The following CNTLN variants were observed in gnomAD, a reference collection of about 807,000 sequenced individuals.
CNTLN encodes centlein, centrosomal protein.
CNTLN carries 212 observed loss-of-function variants against 180.0 expected under a neutral mutation model. The ratio of observed to expected loss-of-function variants is 1.18; its 90% CI spans 1.05 to 1.32. The LOEUF is 1.32. Ranked by LOEUF, CNTLN falls within the 40% of genes most tolerant of loss-of-function variation. CNTLN has a pLI of 0.00. For missense variants in CNTLN, 2,095 were observed against 1,610.9 expected (o/e 1.30, Z -5.14); for synonymous variants, 722 against 563.1 (o/e 1.28, Z -3.99).
intron 8 of CNTLN, among the ~76,000 whole-genome samples, chr9:17,315,478 T>A (rs1035927863): frequency 6.6e-6 from 1 of 152,066 alleles, no homozygotes; most frequent in Admixed American, 6.5e-5. Context: ...GGTTTTTCAG[T>A]TTTTAAAGCT....
chr9:17,349,675 C>G (rs1248206617), intron 12 of CNTLN, among the ~76,000 whole-genome samples: 1 of 151,974 alleles, frequency 6.6e-6, no homozygotes, highest in Non-Finnish European at 1.5e-5. Context: ...AATATAGTTC[C>G]TATAATATTT....
chr9:17,323,137 G>C (rs1465401876), intron 8 of CNTLN, among the ~76,000 whole-genome samples: 1 of 151,982 alleles, frequency 6.6e-6, no homozygotes, highest in Non-Finnish European at 1.5e-5. Context: ...AAAGGCTTGT[G>C]GATTTGCTTT....
intron 18 of CNTLN, among the ~76,000 whole-genome samples, chr9:17,453,909 G>A (rs1002489708): frequency 2.6e-5 from 4 of 152,180 alleles, no homozygotes; most frequent in African/African-American, 9.6e-5. Flanking sequence ...ATCTGATTAG[G>A]TCAGGACCAG....
At chr9:17,386,662 G>A (rs935248284) in intron 13 of CNTLN, among the ~76,000 whole-genome samples, 19 of 152,184 alleles carry the variant, frequency 1.2e-4, no homozygotes, top group African/African-American at 4.6e-4. Flanking sequence ...AAGTACAGGT[G>A]AACATGGTTA....
chr9:17,342,094 C>T (rs1038136208), intron 11 of CNTLN, among the ~76,000 whole-genome samples: 2 of 152,058 alleles, frequency 1.3e-5, no homozygotes, highest in South Asian at 4.1e-4. Flanking sequence ...CTTAGAATAT[C>T]ATGTGTCTGC....
At chr9:17,291,057 A>G (rs1829367298) in intron 6 of CNTLN, among the ~76,000 whole-genome samples, 1 of 152,186 alleles carries the variant, frequency 6.6e-6, no homozygotes, top group Non-Finnish European at 1.5e-5. Context: ...TAATTTCATT[A>G]TATACCCAGG....
At chr9:17,250,990 C>T in intron 5 of CNTLN, among the ~76,000 whole-genome samples, 1 of 151,876 alleles carries the variant, frequency 6.6e-6, no homozygotes, top group Non-Finnish European at 1.5e-5. Flanking sequence ...TTAATTTCTC[C>T]CTTTTTAAGG....
intron 13 of CNTLN, among the ~76,000 whole-genome samples, chr9:17,376,304 T>C (rs1417703324): frequency 6.6e-6 from 1 of 152,126 alleles, no homozygotes; most frequent in Non-Finnish European, 1.5e-5. Flanking sequence ...TTATGTTTTT[T>C]TGAAAAATTA....
intron 12 of CNTLN, among the ~76,000 whole-genome samples, chr9:17,357,168 G>T (rs1442659554): frequency 6.6e-6 from 1 of 151,970 alleles, no homozygotes; most frequent in Non-Finnish European, 1.5e-5. Flanking sequence ...TATCCTTGTT[G>T]AACCATGTGC....
intron 18 of CNTLN, among the ~76,000 whole-genome samples, chr9:17,440,957 A>G (rs1249590287): frequency 6.6e-6 from 1 of 152,212 alleles, no homozygotes; most frequent in Non-Finnish European, 1.5e-5. Flanking sequence ...GTTTCTGTAA[A>G]TGGGCATGAG....
rs1039955332 is a variant in CNTLN at position 17,180,013 on chromosome 9, A to G, written c.449+36637A>G. ...CTTCTTTCTTTTGAAGAATGATTAC[A>G]TATCTTTTTTCCTTCCTTTTACTTT... On this transcript the variant is annotated intron_variant, in intron 2 of 25. Transcript: ENST00000380647. Among the ~76,000 whole-genome samples the G allele has an allele frequency of 4.6e-5, 7 of 152,116 alleles. No homozygotes were observed. The East Asian group carries it at 7.7e-4, about 17-fold the overall frequency.
chr9:17,497,894 A>G (rs943472358), intron 25 of CNTLN, among the ~76,000 whole-genome samples: 26 of 152,194 alleles, frequency 1.7e-4, no homozygotes, highest in Admixed American at 1.6e-3. Flanking sequence ...ATGTATATAT[A>G]TGTATGTAAA....
At chr9:17,160,894 A>C (rs1724787734) in intron 2 of CNTLN, among the ~76,000 whole-genome samples, 1 of 152,178 alleles carries the variant, frequency 6.6e-6, no homozygotes. Flanking sequence ...CCCATTCATC[A>C]GGTATCAATT....
Position 17,340,824 on chromosome 9 carries a change from C to G in CNTLN, c.1645-3C>G. On this transcript the variant is annotated splice_region_variant and splice_polypyrimidine_tract_variant and intron_variant, in intron 10 of 25. Coordinates refer to ENST00000380647, the MANE Select transcript of CNTLN (RefSeq NM_017738.4). ...TATATACTTGCTTTTTTGTGTTCTACAGAGCCAAGAAAATGATGAGCTAAG... is the reference window on the plus strand; with the variant it reads ...TATATACTTGCTTTTTTGTGTTCTAGAGAGCCAAGAAAATGATGAGCTAAG... 4 of 1,606,834 alleles carry G rather than the reference C, an allele frequency of 2.5e-6. No homozygotes were observed. The highest frequency in any genetic ancestry group is 3.4e-6 in the Non-Finnish European group (4 of 1,176,766).
At chr9:17,409,205 C>T in intron 15 of CNTLN, 88 bp from the exon 16 acceptor site, 1 of 1,238,276 alleles carries the variant, frequency 8.1e-7, no homozygotes, top group Non-Finnish European at 1.2e-6. Context: ...ACAATCTATG[C>T]TAAAATATTA....
intron 2 of CNTLN, among the ~76,000 whole-genome samples, chr9:17,164,230 T>C (rs1213504608): frequency 6.7e-6 from 1 of 149,348 alleles, no homozygotes; most frequent in African/African-American, 2.5e-5. Flanking sequence ...GAGAATCACT[T>C]GAACCCGAAA....
intron 2 of CNTLN, among the ~76,000 whole-genome samples, chr9:17,203,852 C>T (rs1486630908): frequency 2.6e-5 from 4 of 152,210 alleles, no homozygotes; most frequent in African/African-American, 7.2e-5. Flanking sequence ...CCACCGCACC[C>T]GGCCAAGATT....
intron 8 of CNTLN, among the ~76,000 whole-genome samples, chr9:17,327,147 G>A (rs1820348362): frequency 6.8e-6 from 1 of 148,020 alleles, no homozygotes; most frequent in African/African-American, 2.5e-5. Flanking sequence ...TAAAAAAACT[G>A]TTGTAAAAAA....
intron 18 of CNTLN, among the ~76,000 whole-genome samples, chr9:17,430,475 C>T (rs538464318): frequency 1.6e-4 from 25 of 152,064 alleles, no homozygotes; most frequent in Non-Finnish European, 3.2e-4. Flanking sequence ...TTGTTACATG[C>T]ATACAATGTG....
Sources: allele counts gnomAD v4.1 joint callset (sites outside exome capture counted in the v4.1 genomes callset), GRCh38; gene constraint gnomAD v4.1.1; transcripts MANE v1.5; gene names NCBI Gene and HGNC (gene_info 2026-07-23, HGNC 2026-07-21).